The following LSM12 variants were observed in gnomAD, a reference collection of about 807,000 sequenced individuals.
LSM12 encodes the protein protein LSM12.
For missense variants in LSM12, 108 were observed against 238.9 expected (o/e 0.45, Z 3.61); for synonymous variants, 74 against 87.3 (o/e 0.85, Z 0.85).
chr17:44,039,448 C>T (rs1291511896), intron 3 of LSM12, among the ~76,000 whole-genome samples: 1 of 126,674 alleles, frequency 7.9e-6, no homozygotes, highest in Non-Finnish European at 1.6e-5. Flanking sequence ...GTGGCGCAAT[C>T]TCGGCTCACT....
At chr17:44,050,936 C>A (rs921744798) in intron 2 of LSM12, among the ~76,000 whole-genome samples, 1 of 152,140 alleles carries the variant, frequency 6.6e-6, no homozygotes, top group Non-Finnish European at 1.5e-5. Context: ...GGTTTGAGAC[C>A]AGCCTGGGCA....
intron 2 of LSM12, among the ~76,000 whole-genome samples, chr17:44,047,536 C>A (rs1208771167): frequency 1.3e-5 from 2 of 152,000 alleles, no homozygotes; most frequent in Non-Finnish European, 2.9e-5. Context: ...CATGAGCCAC[C>A]ATGCCCAGCC....
intron 4 of LSM12, chr17:44,036,714 T>G (rs2144061989): frequency 5.4e-6 from 1 of 186,484 alleles, no homozygotes; most frequent in African/African-American, 2.3e-5. Context: ...GGAGTGTTTT[T>G]TAAGTTTGTT....
At chr17:44,055,858 A>T (rs1200689635) in intron 2 of LSM12, among the ~76,000 whole-genome samples, 1 of 151,462 alleles carries the variant, frequency 6.6e-6, no homozygotes, top group Non-Finnish European at 1.5e-5. Flanking sequence ...ATTTACTGAT[A>T]CTTGGGTTTA....
intron 3 of LSM12, among the ~76,000 whole-genome samples, chr17:44,038,856 C>A (rs2049449692): frequency 6.6e-6 from 1 of 152,148 alleles, no homozygotes; most frequent in Non-Finnish European, 1.5e-5. Context: ...CTTCACATAC[C>A]TGTAAATGTT....
At chr17:44,038,164 C>A (rs1394686855) in intron 3 of LSM12, among the ~76,000 whole-genome samples, 1 of 151,906 alleles carries the variant, frequency 6.6e-6, no homozygotes, top group African/African-American at 2.4e-5. Context: ...GACTGGGCAA[C>A]AGGGCAAAAA....
chr17:44,034,818 T>G lies in LSM12; in HGVS notation c.*1390A>C, dbSNP rs1450418837. 1.2e-5 allele frequency: 1 copy of G among 86,620 alleles called. No homozygotes were observed. Among genetic ancestry groups the G allele is most frequent in the Admixed American group, 1.3e-4 (1 of 7,570 alleles). The allele number at this position is 86,620 out of a possible 1,614,324, so 5.4% of individuals were successfully genotyped here. ...AACCCCCACCCCACCCCCAAAGCTC[T>G]AGCCAGTCATGTGAGCATCACCCAC... On this transcript the variant is annotated 3_prime_UTR_variant, in exon 5 of 5. Transcript: ENST00000293406.
At position 44,066,450 on chromosome 17, in the gene LSM12, G is replaced by A; in HGVS notation, c.124+14C>T. The A allele has an allele frequency of 6.4e-7, 1 of 1,555,636 alleles. No individual in the cohort carries two copies. Among genetic ancestry groups the A allele is most frequent in the Non-Finnish European group, 8.7e-7 (1 of 1,152,758 alleles). ...ACGCCGGCCCGGACTCGGGCTTCAC[G>A]CAGGGAAGGATACTTAAAGCCAGCA... On this transcript the variant is annotated intron_variant, in intron 1 of 4. Transcript: ENST00000293406.
At chr17:44,055,829 TATC>T (rs945003320) in intron 2 of LSM12, among the ~76,000 whole-genome samples, 32 of 150,566 alleles carry the variant, frequency 2.1e-4, no homozygotes, top group Non-Finnish European at 7.4e-5. Flanking sequence ...ATGCAATAAT[TATC>T]ATATCAACTC....
chr17:44,037,823 G>T (rs1239939143), intron 3 of LSM12, among the ~76,000 whole-genome samples: 1 of 152,210 alleles, frequency 6.6e-6, no homozygotes, highest in Non-Finnish European at 1.5e-5. Flanking sequence ...GTGGCCTCAA[G>T]AATCCAAATT....
At chr17:44,060,088 C>A (rs536453756) in intron 2 of LSM12, among the ~76,000 whole-genome samples, 140 of 152,288 alleles carry the variant, frequency 9.2e-4, no homozygotes, top group Non-Finnish European at 1.4e-3. Context: ...TGGCATGAAC[C>A]CGGGAGGTGG....
intron 1 of LSM12, among the ~76,000 whole-genome samples, chr17:44,064,435 G>A (rs898462973): frequency 2.0e-5 from 3 of 152,176 alleles, no homozygotes; most frequent in Non-Finnish European, 4.4e-5. Context: ...TCAAGTAAAA[G>A]TTGAGTAATT....
rs1424724583 is a variant in LSM12, at chr17:44,040,904, A to G, written c.259-648T>C. ...GGAGGCTGAGGCAGAGAATTGCTTG[A>G]ACCCAGGAGAAGGCTGCAGGGAGCT... On this transcript the variant is annotated intron_variant, in intron 2 of 4. Coordinates refer to ENST00000293406, the MANE Select transcript of LSM12 (RefSeq NM_001371445.1). Among the ~76,000 whole-genome samples, 5 of 151,718 alleles carry G rather than the reference A, an allele frequency of 3.3e-5. No homozygotes were observed. In the East Asian group the frequency reaches 9.7e-4, roughly 29 times the overall value.
At chr17:44,045,240 C>T (rs973435494) in intron 2 of LSM12, among the ~76,000 whole-genome samples, 18 of 152,118 alleles carry the variant, frequency 1.2e-4, no homozygotes, top group African/African-American at 4.1e-4. Context: ...GTTGGTCAGG[C>T]TGGTCTCGAA....
At chr17:44,036,819 G>C (rs995155725) in intron 4 of LSM12, 1 of 157,050 alleles carries the variant, frequency 6.4e-6, no homozygotes, top group African/African-American at 2.4e-5. Context: ...GGTACCTGCA[G>C]CTAAGAAAAA....
chr17:44,058,185 C>T (rs540234614), intron 2 of LSM12, among the ~76,000 whole-genome samples: 17 of 151,082 alleles, frequency 1.1e-4, no homozygotes, highest in African/African-American at 3.9e-4. Flanking sequence ...TGCAGTGAGC[C>T]GAGATCGCGC....
In LSM12 at chr17:44,035,977, C is replaced by G. The variant is rs960428802; in HGVS notation, c.*231G>C. 5 of 353,234 alleles carry G rather than the reference C, an allele frequency of 1.4e-5. No individual in the cohort carries two copies. The highest frequency in any genetic ancestry group is 1.1e-4 in the African/African-American group (5 of 43,826). 21.9% of individuals were successfully genotyped at this position (353,234 alleles called of 1,614,324 possible). On this transcript the variant is annotated 3_prime_UTR_variant, in exon 5 of 5. Transcript: ENST00000293406. ...TTCCAGAAGAGGGCTGTGAAAAGGACATGGTGGACCGAAGTCTGTTAGTCA... is the reference window on the plus strand; with the variant it reads ...TTCCAGAAGAGGGCTGTGAAAAGGAGATGGTGGACCGAAGTCTGTTAGTCA...
chr17:44,042,304 G>A (rs2049505443), intron 2 of LSM12, among the ~76,000 whole-genome samples: 1 of 151,812 alleles, frequency 6.6e-6, no homozygotes, highest in Non-Finnish European at 1.5e-5. Context: ...AAATGGGGGA[G>A]CCATACCTAC....
At chr17:44,041,950 G>A (rs1261384199) in intron 2 of LSM12, among the ~76,000 whole-genome samples, 2 of 152,144 alleles carry the variant, frequency 1.3e-5, no homozygotes, top group Non-Finnish European at 2.9e-5. Context: ...GCAAACACGC[G>A]CGAGAACACA....
Sources: allele counts gnomAD v4.1 joint callset (sites outside exome capture counted in the v4.1 genomes callset), GRCh38; gene constraint gnomAD v4.1.1; transcripts MANE v1.5; gene names NCBI Gene and HGNC (gene_info 2026-07-23, HGNC 2026-07-21).